Variants in VRK2 observed in about 807,000 individuals in gnomAD.
VRK2 encodes the protein VRK serine/threonine kinase 2.
In VRK2, 60 loss-of-function variants were observed where a neutral mutation model predicts 57.6. That is an observed-to-expected ratio of 1.04 (90% confidence interval 0.85 to 1.29). The LOEUF is 1.29. Ranked by LOEUF, VRK2 falls within the 50% of genes most tolerant of loss-of-function variation. VRK2 has a pLI of 0.00. For synonymous variants in VRK2, 231 were observed against 199.2 expected (o/e 1.16, Z -1.35); for missense variants, 705 against 588.1 (o/e 1.20, Z -2.06).
At chr2:57,978,909 T>C (rs1380424814) in intron 1 of VRK2, among the ~76,000 whole-genome samples, 1 of 150,832 alleles carries the variant, frequency 6.6e-6, no homozygotes, top group African/African-American at 2.5e-5. Flanking sequence ...GGTGTTTGGT[T>C]TTCTGTTCCT....
At chr2:57,981,162 GT>G (rs1309604433) in intron 1 of VRK2, among the ~76,000 whole-genome samples, 1 of 152,134 alleles carries the variant, frequency 6.6e-6, no homozygotes, top group Non-Finnish European at 1.5e-5. Flanking sequence ...TATTTTTGTG[GT>G]GGCAGATATT....
chr2:58,155,927 T>A (rs1219665189), intron 12 of VRK2, among the ~76,000 whole-genome samples: 1 of 151,886 alleles, frequency 6.6e-6, no homozygotes, highest in Non-Finnish European at 1.5e-5. Context: ...GTTTGTTTTT[T>A]TTTTTTTCCA....
intron 2 of VRK2, among the ~76,000 whole-genome samples, chr2:58,059,493 A>T (rs1044270823): frequency 6.6e-6 from 1 of 151,938 alleles, no homozygotes; most frequent in African/African-American, 2.4e-5. Flanking sequence ...TTAAAGATAC[A>T]CTGCTTAGAA....
chr2:58,042,164 T>G (rs1051644382), upstream of VRK2, among the ~76,000 whole-genome samples: 3 of 152,196 alleles, frequency 2.0e-5, no homozygotes, highest in Non-Finnish European at 2.9e-5. Context: ...TGATATGACA[T>G]TTTAAATTAT....
intron 11 of VRK2, among the ~76,000 whole-genome samples, chr2:58,142,418 G>A (rs1329655922): frequency 6.6e-6 from 1 of 151,506 alleles, no homozygotes; most frequent in Non-Finnish European, 1.5e-5. Flanking sequence ...TGTTATTGGA[G>A]TTAAATTGGA....
At chr2:58,137,154 G>A (rs1305725029) in intron 10 of VRK2, among the ~76,000 whole-genome samples, 16 of 6,122 alleles carry the variant, frequency 2.6e-3, no homozygotes, top group Admixed American at 6.4e-3. Flanking sequence ...TATATCATGT[G>A]TTTATATATA....
chr2:57,991,690 T>C (rs551880045), intron 1 of VRK2, among the ~76,000 whole-genome samples: 1 of 151,940 alleles, frequency 6.6e-6, no homozygotes, highest in East Asian at 1.9e-4. Flanking sequence ...AGCTCACGCC[T>C]GTAATCCCCA....
chr2:57,925,337 G>A (rs567246151), intron 1 of VRK2, among the ~76,000 whole-genome samples: 5 of 152,074 alleles, frequency 3.3e-5, no homozygotes, highest in Non-Finnish European at 7.4e-5. Flanking sequence ...TGGGTTGTAG[G>A]CTTTTCTTTG....
intron 1 of VRK2, among the ~76,000 whole-genome samples, chr2:57,948,123 A>G (rs1315206644): frequency 6.6e-6 from 1 of 152,198 alleles, no homozygotes; most frequent in Non-Finnish European, 1.5e-5. Flanking sequence ...TTATATTCAA[A>G]GTGCTATACT....
intron 2 of VRK2, among the ~76,000 whole-genome samples, chr2:58,029,986 C>T (rs1451314769): frequency 1.3e-5 from 2 of 152,124 alleles, no homozygotes; most frequent in Non-Finnish European, 2.9e-5. Context: ...TTGCTACCAG[C>T]AATACTTTAC....
intron 1 of VRK2, among the ~76,000 whole-genome samples, chr2:57,945,040 C>G (rs574688356): frequency 6.6e-6 from 1 of 152,130 alleles, no homozygotes; most frequent in Admixed American, 6.5e-5. Flanking sequence ...TACTCAAGGT[C>G]AAACAAGCAA....
chr2:58,085,042 T>C (rs1573010243), intron 4 of VRK2, 92 bp downstream of exon 4: 2 of 1,171,100 alleles, frequency 1.7e-6, no homozygotes, highest in Non-Finnish European at 2.3e-6. Context: ...TTCTGGAAAA[T>C]TCTTTTCAAT....
At chr2:58,120,169 AT>A (rs1274870288) in intron 7 of VRK2, among the ~76,000 whole-genome samples, 45 of 71,502 alleles carry the variant, frequency 6.3e-4, no homozygotes, top group South Asian at 6.2e-3. Context: ...CTTTTTGTCT[AT>A]TTTTTTTTCT....
At chr2:58,044,440 T>A (rs1674592022), upstream of VRK2, among the ~76,000 whole-genome samples, 1 of 152,170 alleles carries the variant, frequency 6.6e-6, no homozygotes, top group Non-Finnish European at 1.5e-5. Context: ...TTTCTAGGGG[T>A]TGGGGATACA....
At position 58,040,443 on chromosome 2, in the gene VRK2, G is replaced by T. The variant is rs144604304; in HGVS notation, c.-6+6890G>T. On this transcript the variant is annotated intron_variant, in intron 3 of 15. Coordinates refer to the VRK2 transcript ENST00000417641. ...CCACTAGCTCCCAACTGCATGCTTA[G>T]GTCCTGAAATTGGCAGTGAGACTTA... 4.2e-3 allele frequency among the ~76,000 whole-genome samples: 632 copies of T among 152,248 alleles called. 7 individuals are homozygous for T. The highest frequency in any genetic ancestry group is 0.014 in the African/African-American group (601 of 41,562).
At chr2:58,134,850 T>C (rs1017339564) in intron 9 of VRK2, among the ~76,000 whole-genome samples, 2 of 152,168 alleles carry the variant, frequency 1.3e-5, no homozygotes, top group Non-Finnish European at 2.9e-5. Flanking sequence ...TGTTAACTGG[T>C]CTTTTGTTAT....
At position 58,086,331 on chromosome 2, in the gene VRK2, C is replaced by T; in HGVS notation, c.257-8C>T. ...TGAATCTTTTTAAAAATAAATTTGTCTTTGTAGTCAAAAAGTGGATAGAAC... is the reference window on the plus strand; with the variant it reads ...TGAATCTTTTTAAAAATAAATTTGTTTTTGTAGTCAAAAAGTGGATAGAAC... On this transcript the variant is annotated splice_polypyrimidine_tract_variant and splice_region_variant and intron_variant, in intron 4 of 12. Transcript: ENST00000340157. 1.3e-6 allele frequency: 2 copies of T among 1,592,238 alleles called. No homozygotes were observed. The highest frequency in any genetic ancestry group is 1.7e-6 in the Non-Finnish European group (2 of 1,171,584).
chr2:58,050,861 T>C (rs139075424), intron 2 of VRK2, among the ~76,000 whole-genome samples: 12,397 of 152,060 alleles, frequency 0.082, 549 homozygotes, highest in East Asian at 0.1. Context: ...TTTTTTTTTT[T>C]TGAGACAGAG....
intron 1 of VRK2, among the ~76,000 whole-genome samples, chr2:57,949,562 C>T (rs1410569435): frequency 6.6e-6 from 1 of 152,142 alleles, no homozygotes; most frequent in Non-Finnish European, 1.5e-5. Flanking sequence ...TACTGCTCCA[C>T]CAACTGGCCA....
Sources: allele counts gnomAD v4.1 joint callset (sites outside exome capture counted in the v4.1 genomes callset), GRCh38; gene constraint gnomAD v4.1.1; transcripts MANE v1.5; gene names NCBI Gene and HGNC (gene_info 2026-07-23, HGNC 2026-07-21).